SPSB4: variants seen among roughly 807,000 people sequenced by gnomAD.
SPSB4 encodes the protein splA/ryanodine receptor domain and SOCS box containing 4, also known as SPRY domain-containing SOCS box protein 4.
A neutral mutation model predicts 20.9 loss-of-function variants in SPSB4; 21 were observed. The ratio of observed to expected loss-of-function variants is 1.01; its 90% CI spans 0.71 to 1.45. The LOEUF (loss-of-function observed/expected upper bound fraction) is 1.45, where lower values mean the gene tolerates loss of function less well. Ranked by LOEUF, SPSB4 falls within the 40% of genes most tolerant of loss-of-function variation. SPSB4 has a pLI of 0.00. For missense variants in SPSB4, 399 were observed against 399.2 expected (o/e 1.00, Z 0.00); for synonymous variants, 207 against 183.8 (o/e 1.13, Z -1.02).
chr3:141,139,655 A>T (rs1208832411), intron 2 of SPSB4, among the ~76,000 whole-genome samples: 3 of 152,190 alleles, frequency 2.0e-5, no homozygotes, highest in African/African-American at 7.2e-5. Flanking sequence ...AGAATGTTGA[A>T]TATTGGCCCC....
At chr3:141,119,688 T>G (rs1378861469) in intron 2 of SPSB4, among the ~76,000 whole-genome samples, 1 of 152,216 alleles carries the variant, frequency 6.6e-6, no homozygotes, top group Admixed American at 6.5e-5. Context: ...GATTTTCTAG[T>G]TTATTTGTGT....
At chr3:141,052,951 GGCT>G (rs1936121392) in intron 1 of SPSB4, among the ~76,000 whole-genome samples, 1 of 152,210 alleles carries the variant, frequency 6.6e-6, no homozygotes, top group African/African-American at 2.4e-5. Context: ...AAGCGCAGAC[GGCT>G]GCCGGCAGGA....
chr3:141,139,701 A>C (rs1190472059), intron 2 of SPSB4, among the ~76,000 whole-genome samples: 2 of 152,208 alleles, frequency 1.3e-5, no homozygotes, highest in African/African-American at 4.8e-5. Context: ...CTGCCGAGAG[A>C]TCAGCTGTTA....
chr3:141,083,904 C>G (rs1279616972), intron 2 of SPSB4, among the ~76,000 whole-genome samples: 1 of 152,092 alleles, frequency 6.6e-6, no homozygotes, highest in Non-Finnish European at 1.5e-5. Context: ...CCTCTGAACT[C>G]CAGAACCCTC....
chr3:141,139,721 G>T (rs930752441), intron 2 of SPSB4, among the ~76,000 whole-genome samples: 2 of 152,228 alleles, frequency 1.3e-5, no homozygotes, highest in Admixed American at 1.3e-4. Context: ...AGTCTGATGG[G>T]CTTCCCTTTG....
At chr3:141,113,959 A>G (rs887462850) in intron 2 of SPSB4, among the ~76,000 whole-genome samples, 12 of 152,136 alleles carry the variant, frequency 7.9e-5, no homozygotes, top group African/African-American at 2.9e-4. Context: ...ATGGTGGCGC[A>G]TGCCTGTGGT....
intron 2 of SPSB4, among the ~76,000 whole-genome samples, chr3:141,103,951 G>A (rs1938650867): frequency 6.6e-6 from 1 of 152,004 alleles, no homozygotes; most frequent in Admixed American, 6.6e-5. Context: ...AAGAGATCAT[G>A]CTCAAAGTAG....
chr3:141,147,490 A>G lies in SPSB4; in HGVS notation c.*221A>G. The G allele has an allele frequency of 1.6e-6, 1 of 639,672 alleles. No homozygotes were observed. Among genetic ancestry groups the G allele is most frequent in the East Asian group, 3.0e-5 (1 of 33,018 alleles). The allele number at this position is 639,672 out of a possible 1,614,324, so 39.6% of individuals were successfully genotyped here. On this transcript the variant is annotated 3_prime_UTR_variant, in exon 3 of 3. Transcript: ENST00000310546. ...TCGAGGCAGCCCTCCCAAGTCAGAC[A>G]CCTCCTTCGGAGCCACAGAGAGCCT...
chr3:141,134,324 T>C (rs1253568812), intron 2 of SPSB4, among the ~76,000 whole-genome samples: 1 of 152,158 alleles, frequency 6.6e-6, no homozygotes, highest in Non-Finnish European at 1.5e-5. Flanking sequence ...CTTGTCTGAC[T>C]GTTCTGGCTA....
chr3:141,140,296 G>C (rs1210754021), intron 2 of SPSB4, among the ~76,000 whole-genome samples: 1 of 152,074 alleles, frequency 6.6e-6, no homozygotes, highest in Admixed American at 6.6e-5. Context: ...CCTTTAGCTT[G>C]GAGTAGTTTG....
intron 2 of SPSB4, among the ~76,000 whole-genome samples, chr3:141,101,387 T>G (rs1576531239): frequency 1.3e-5 from 2 of 152,318 alleles, no homozygotes; most frequent in South Asian, 4.1e-4. Context: ...CACTTTTGTC[T>G]TCAGCCTGGG....
intron 2 of SPSB4, among the ~76,000 whole-genome samples, chr3:141,132,786 A>G (rs1349284181): frequency 1.3e-5 from 2 of 152,144 alleles, no homozygotes; most frequent in Admixed American, 6.5e-5. Flanking sequence ...TTGTTCATAT[A>G]ATAACTTATT....
chr3:141,112,644 CAAAAAAAAAA>C (rs60396514), intron 2 of SPSB4, among the ~76,000 whole-genome samples: 6 of 32,882 alleles, frequency 1.8e-4, no homozygotes, highest in Admixed American at 3.0e-4. Flanking sequence ...GACTCCGTCT[CAAAAAAAAAA>C]AAAAAAAAAA....
At chr3:141,054,431 G>GT (rs1936147508) in intron 1 of SPSB4, among the ~76,000 whole-genome samples, 1 of 152,124 alleles carries the variant, frequency 6.6e-6, no homozygotes, top group African/African-American at 2.4e-5. Flanking sequence ...CCAGCAACAC[G>GT]TTTTTAATAA....
chr3:141,142,427 T>C (rs934227573), intron 2 of SPSB4, among the ~76,000 whole-genome samples: 1 of 152,252 alleles, frequency 6.6e-6, no homozygotes, highest in Non-Finnish European at 1.5e-5. Context: ...AGTTTGATTT[T>C]CTTAAATTTA....
intron 2 of SPSB4, among the ~76,000 whole-genome samples, chr3:141,107,480 G>A (rs1938717220): frequency 6.6e-6 from 1 of 152,140 alleles, no homozygotes; most frequent in Non-Finnish European, 1.5e-5. Flanking sequence ...TGTCCATCCA[G>A]GGCAAGGACA....
chr3:141,128,673 A>G (rs1460318795), intron 2 of SPSB4, among the ~76,000 whole-genome samples: 2 of 151,958 alleles, frequency 1.3e-5, no homozygotes, highest in Non-Finnish European at 2.9e-5. Flanking sequence ...AGTTTTCTGT[A>G]TGTGGAGTGG....
In SPSB4 at chr3:141,122,677, A is replaced by C. The variant is rs536645129; in HGVS notation, c.695-24465A>C. On this transcript the variant is annotated intron_variant, in intron 2 of 2. Transcript: ENST00000310546. The stretch of plus-strand genomic sequence containing the variant: ...GACAACCCTCCCCTTGCCATGCTGC[A>C]GCATCGCAGGTCAATCTCAGACTGC... Among the ~76,000 whole-genome samples the C allele has an allele frequency of 7.6e-4, 116 of 152,348 alleles. 1 individual carries two copies. Among genetic ancestry groups the C allele is most frequent in the South Asian group, 5.6e-3 (27 of 4,830 alleles).
intron 2 of SPSB4, among the ~76,000 whole-genome samples, chr3:141,120,661 T>C (rs547238357): frequency 6.6e-6 from 1 of 152,386 alleles, no homozygotes; most frequent in African/African-American, 2.4e-5. Context: ...TTTACCATTA[T>C]GTAATGGCCT....
Sources: gnomAD v4.1 joint callset for allele counts (sites outside exome capture counted in the v4.1 genomes callset) on GRCh38, gnomAD v4.1.1 for gene constraint, MANE v1.5 for transcripts, NCBI Gene and HGNC (gene_info 2026-07-23, HGNC 2026-07-21) for gene names.